CNTLN: variants seen among roughly 807,000 people sequenced by gnomAD.
The protein encoded by CNTLN is centlein, centrosomal protein.
In CNTLN, 212 loss-of-function variants were observed where a neutral mutation model predicts 180.0. The ratio of observed to expected loss-of-function variants is 1.18; its 90% CI spans 1.05 to 1.32. The LOEUF (loss-of-function observed/expected upper bound fraction) is 1.32. CNTLN is among the 40% of genes most tolerant of loss of function. The probability of loss-of-function intolerance (pLI) is 0.00; values close to 1 mark genes in which losing one functional copy is unlikely to be tolerated. For missense variants in CNTLN, 2,095 were observed against 1,610.9 expected (o/e 1.30, Z -5.14); for synonymous variants, 722 against 563.1 (o/e 1.28, Z -3.99).
intron 12 of CNTLN, among the ~76,000 whole-genome samples, chr9:17,362,053 A>G (rs1377362808): frequency 6.6e-6 from 1 of 152,230 alleles, no homozygotes; most frequent in African/African-American, 2.4e-5. Flanking sequence ...ACTCAAGAAC[A>G]AGGTGGTCCC....
In CNTLN at chr9:17,502,585, T is replaced by C. The variant is rs763638872; in HGVS notation, c.4154T>C (p.Leu1385Pro). 1.4e-6 allele frequency: 2 copies of C among 1,407,866 alleles called. No individual in the cohort carries two copies. Among genetic ancestry groups the C allele is most frequent in the Non-Finnish European group, 1.9e-6 (2 of 1,029,374 alleles). The allele number at this position is 1,407,866 out of a possible 1,614,324, so 87.2% of individuals were successfully genotyped here. A position where few individuals can be genotyped will look rare whatever the true frequency, so the allele number is the denominator to read the frequency against. Residue 1385 changes from leucine (L) to proline (P), a missense_variant, in exon 26 of 26, where the codon CTG (leucine) becomes CCG (proline). Transcript: ENST00000380647. ...GCCTCATATTTACTAGAAGCAGTAC[T>C]GGAAAAAATAAATGAAAAAAAGAAA... ...PFASYLLEAV[L>P]EKINEKKKLV...
At chr9:17,293,526 T>C (rs1206221709) in intron 6 of CNTLN, among the ~76,000 whole-genome samples, 2 of 152,112 alleles carry the variant, frequency 1.3e-5, no homozygotes, top group African/African-American at 4.8e-5. Context: ...TGGGTTAGGG[T>C]TCCGCCTGAA....
intron 5 of CNTLN, among the ~76,000 whole-genome samples, chr9:17,265,343 T>C (rs1322061660): frequency 6.6e-6 from 1 of 152,242 alleles, no homozygotes; most frequent in East Asian, 1.9e-4. Context: ...TGGATTACAC[T>C]TATTGATTTG....
Position 17,262,477 on chromosome 9 carries a change from A to G in CNTLN, c.850-11256A>G, listed in dbSNP as rs577103759. Among the ~76,000 whole-genome samples the G allele has an allele frequency of 8.4e-4, 127 of 151,650 alleles. 4 individuals carry two copies. Among genetic ancestry groups the G allele is most frequent in the African/African-American group, 3.0e-3 (121 of 40,940 alleles). Reference sequence around the variant, plus strand: ...ATCCTCAGCAAACTAACACAGGAACAGAAAACCAGCACTGCATGTTCTCAC... The same window carrying G: ...ATCCTCAGCAAACTAACACAGGAACGGAAAACCAGCACTGCATGTTCTCAC... On this transcript the variant is annotated intron_variant, in intron 5 of 25. Transcript: ENST00000380647.
chr9:17,449,982 A>T (rs1038737541), intron 18 of CNTLN, among the ~76,000 whole-genome samples: 2 of 152,250 alleles, frequency 1.3e-5, no homozygotes, highest in African/African-American at 2.4e-5. Flanking sequence ...GAAATATTTA[A>T]ACACAGTTAC....
chr9:17,351,586 A>C (rs1822368757), intron 12 of CNTLN, among the ~76,000 whole-genome samples: 1 of 152,162 alleles, frequency 6.6e-6, no homozygotes, highest in South Asian at 2.1e-4. Flanking sequence ...CCCTCATTGA[A>C]GTCCATACTA....
intron 5 of CNTLN, among the ~76,000 whole-genome samples, chr9:17,243,278 T>G (rs1825605589): frequency 6.6e-6 from 1 of 152,160 alleles, no homozygotes; most frequent in African/African-American, 2.4e-5. Flanking sequence ...AAACCCAGTT[T>G]CTTTTCATTG....
chr9:17,366,148 C>G (rs982278865), intron 12 of CNTLN, among the ~76,000 whole-genome samples: 1 of 152,016 alleles, frequency 6.6e-6, no homozygotes, highest in East Asian at 1.9e-4. Context: ...TTTATGGAGA[C>G]AAGGGCCTAA....
chr9:17,454,386 G>A lies in CNTLN; in HGVS notation c.3115-3138G>A, dbSNP rs117457581. 1.7e-3 allele frequency among the ~76,000 whole-genome samples: 255 copies of A among 152,192 alleles called. 2 individuals carry two copies. Among genetic ancestry groups the A allele is most frequent in the Admixed American group, 4.6e-3 (70 of 15,272 alleles). On this transcript the variant is annotated intron_variant, in intron 18 of 25. Transcript: ENST00000380647. Reference sequence around the variant, plus strand: ...AATAGATGTTTAGGAGACTGTAGACGGATTGCACTGCTGCGGATATAGAGT... The same window carrying A: ...AATAGATGTTTAGGAGACTGTAGACAGATTGCACTGCTGCGGATATAGAGT...
At position 17,330,633 on chromosome 9, in the gene CNTLN, T is replaced by A. The variant is rs1420398059; in HGVS notation, c.1343T>A (p.Val448Glu). The change falls in exon 9 of 26, where the codon GTA (valine) becomes GAA (glutamate). Residue 448 changes from valine (V) to glutamate (E), a missense_variant and splice_region_variant. Val to Glu is a moderately radical substitution (Grantham distance 121, BLOSUM62 -2). Transcript: ENST00000380647. ...TTACAATTATACTTTTTAAAATAGG[T>A]ACCTCATCGCCCATCCTTATCAAGC... is the stretch of plus-strand genomic sequence containing the variant. ...QESDPDYSAQVPHRPSLSSLE... is the reference protein window; with the variant it reads ...QESDPDYSAQEPHRPSLSSLE... 4.5e-6 allele frequency: 7 copies of A among 1,546,948 alleles called. No homozygotes were observed. The highest frequency in any genetic ancestry group is 6.1e-6 in the Non-Finnish European group (7 of 1,145,648).
intron 19 of CNTLN, among the ~76,000 whole-genome samples, chr9:17,461,652 A>T (rs980161660): frequency 2.0e-5 from 3 of 151,808 alleles, no homozygotes; most frequent in African/African-American, 4.8e-5. Flanking sequence ...TGAGTCAAAC[A>T]TCCAAACCTA....
At chr9:17,498,779 A>G (rs760348385) in intron 25 of CNTLN, among the ~76,000 whole-genome samples, 1 of 152,142 alleles carries the variant, frequency 6.6e-6, no homozygotes, top group Non-Finnish European at 1.5e-5. Context: ...ACCATCTGAG[A>G]TGAAACCCAC....
chr9:17,363,595 A>C (rs1028053498), intron 12 of CNTLN, among the ~76,000 whole-genome samples: 1 of 151,246 alleles, frequency 6.6e-6, no homozygotes, highest in Non-Finnish European at 1.5e-5. Flanking sequence ...AACATACATC[A>C]TTTATTTGAC....
chr9:17,457,414 A>T, intron 18 of CNTLN, 110 bp from the exon 19 acceptor site: 1 of 584,110 alleles, frequency 1.7e-6, no homozygotes, highest in African/African-American at 2.0e-5. Context: ...AATTAATTTC[A>T]GTTCTCTTTA....
At chr9:17,507,225 A>G (rs1380956285), downstream of CNTLN, among the ~76,000 whole-genome samples, 1 of 152,110 alleles carries the variant, frequency 6.6e-6, no homozygotes, top group Non-Finnish European at 1.5e-5. Context: ...CCCACTTTTA[A>G]ATGAGAACAT....
intron 2 of CNTLN, among the ~76,000 whole-genome samples, chr9:17,155,476 A>C (rs749899424): frequency 2.6e-5 from 4 of 152,216 alleles, no homozygotes; most frequent in Non-Finnish European, 5.9e-5. Context: ...AGAGAGGAGC[A>C]ATCTGGCAGT....
At chr9:17,441,275 A>T (rs1021960694) in intron 18 of CNTLN, among the ~76,000 whole-genome samples, 4 of 152,360 alleles carry the variant, frequency 2.6e-5, no homozygotes, top group African/African-American at 9.6e-5. Flanking sequence ...ATGTGAAAGT[A>T]TAAAGGTCAC....
chr9:17,400,160 T>C (rs558974452), intron 15 of CNTLN, among the ~76,000 whole-genome samples: 1 of 152,218 alleles, frequency 6.6e-6, no homozygotes, highest in Admixed American at 6.5e-5. Context: ...TTTTTTGAGA[T>C]GGAGTCTTAC....
chr9:17,180,667 A>G (rs960995931), intron 2 of CNTLN, among the ~76,000 whole-genome samples: 1 of 151,970 alleles, frequency 6.6e-6, no homozygotes, highest in Non-Finnish European at 1.5e-5. Context: ...GGATCCCTCC[A>G]TTTAAAATTT....
Sources: gnomAD v4.1 joint callset for allele counts (sites outside exome capture counted in the v4.1 genomes callset) on GRCh38, gnomAD v4.1.1 for gene constraint, MANE v1.5 for transcripts, NCBI Gene and HGNC (gene_info 2026-07-23, HGNC 2026-07-21) for gene names.